The following EML4 variants were observed in gnomAD, a reference collection of about 807,000 sequenced individuals.
EML4 encodes EMAP like 4.
Under a neutral mutation model 129.0 loss-of-function variants are expected in EML4, and 72 were observed. That is an observed-to-expected ratio of 0.56 (90% CI 0.46 to 0.68). EML4 has a LOEUF of 0.68. Among genes scored for constraint, EML4 ranks in the 30% least tolerant of loss-of-function variants. EML4 has a pLI of 0.00. For missense variants in EML4, 1,363 were observed against 1,190.6 expected, an observed-to-expected ratio of 1.14 and a Z score of -2.13; for synonymous variants, 532 against 405.0, an observed-to-expected ratio of 1.31 and a Z score of -3.77.
intron 1 of EML4, among the ~76,000 whole-genome samples, chr2:42,203,281 G>GT (rs987548839): frequency 3.1e-4 from 47 of 152,254 alleles, no homozygotes; most frequent in Non-Finnish European, 5.6e-4. Flanking sequence ...GGTAAGTTTG[G>GT]TTTTTTCCCC....
At chr2:42,236,625 C>T (rs1674690313) in intron 1 of EML4, among the ~76,000 whole-genome samples, 2 of 152,156 alleles carry the variant, frequency 1.3e-5, no homozygotes, top group Admixed American at 1.3e-4. Flanking sequence ...AACTATTTTC[C>T]CCTTTACAGA....
intron 1 of EML4, among the ~76,000 whole-genome samples, chr2:42,199,749 AC>A (rs1370871535): frequency 6.6e-6 from 1 of 152,114 alleles, no homozygotes; most frequent in African/African-American, 2.4e-5. Context: ...AAAGAGGGTA[AC>A]CTTTTGGGAG....
At chr2:42,278,522 C>T (rs180953123) in intron 6 of EML4, among the ~76,000 whole-genome samples, 1 of 135,178 alleles carries the variant, frequency 7.4e-6, no homozygotes, top group Non-Finnish European at 1.5e-5. Context: ...TGCGGTGAGC[C>T]GAGCTCATGC....
intron 1 of EML4, among the ~76,000 whole-genome samples, chr2:42,216,012 C>T (rs1673163572): frequency 6.6e-6 from 1 of 151,800 alleles, no homozygotes; most frequent in African/African-American, 2.4e-5. Flanking sequence ...CCTCCACCTT[C>T]TGGTTGAAGC....
intron 4 of EML4, chr2:42,261,616 A>T: frequency 5.4e-6 from 1 of 185,824 alleles, no homozygotes; most frequent in Non-Finnish European, 1.1e-5. Context: ...TAAAATATGT[A>T]TGTAACTATG....
intron 1 of EML4, among the ~76,000 whole-genome samples, chr2:42,210,711 T>C (rs1489098653): frequency 6.6e-6 from 1 of 152,206 alleles, no homozygotes; most frequent in East Asian, 1.9e-4. Flanking sequence ...TCCAATACTA[T>C]TTTATTTATT....
At chr2:42,259,146 C>G (rs1665546366) in intron 3 of EML4, among the ~76,000 whole-genome samples, 1 of 151,330 alleles carries the variant, frequency 6.6e-6, no homozygotes, top group African/African-American at 2.4e-5. Context: ...GCTGGGGAAG[C>G]TGAGGTGGGA....
At position 42,330,186 on chromosome 2, in the gene EML4, A is replaced by G; in HGVS notation, c.2925A>G (p.Gln975=). ...AAGCCACCCTTCTGGAGGACCAGCA[A>G]GACCCTTCGCCCTCGTCCTAACACC... ...QAKATLLEDQ[Q]DPSPSS The change falls in exon 23 of 23, where the codon CAA becomes CAG. Residue 975 remains glutamine, a synonymous_variant. Coordinates refer to ENST00000318522, the MANE Select transcript of EML4 (RefSeq NM_019063.5). 6.2e-7 allele frequency: 1 copy of G among 1,612,722 alleles called. No homozygotes were observed. Among genetic ancestry groups the G allele is most frequent in the Non-Finnish European group, 8.5e-7 (1 of 1,179,812 alleles).
intron 6 of EML4, among the ~76,000 whole-genome samples, chr2:42,267,166 TA>T (rs1410800726): frequency 6.6e-6 from 1 of 152,254 alleles, no homozygotes; most frequent in African/African-American, 2.4e-5. Context: ...AGGGTTACTG[TA>T]AAAATTATAG....
Position 42,288,311 on chromosome 2 carries a change from G to T in EML4, c.1207G>T (p.Ala403Ser). ...GGACTGGCAGAAGAAAGCAAAAGGA[G>T]CAGAAATAAAGGTAAATTTTTAAAA... ...VWDWQKKAKG[A>S]EIKTTNEVVL... Residue 403 changes from alanine (A) to serine (S), a missense_variant, in exon 11 of 23, where the codon GCA (alanine) becomes TCA (serine). Coordinates refer to ENST00000318522, the MANE Select transcript of EML4 (RefSeq NM_019063.5). 1 of 1,547,810 alleles carries T rather than the reference G, an allele frequency of 6.5e-7. No individual in the cohort carries two copies.
chr2:42,312,008 C>T (rs1668980009), intron 17 of EML4, among the ~76,000 whole-genome samples: 2 of 152,152 alleles, frequency 1.3e-5, no homozygotes, highest in Non-Finnish European at 2.9e-5. Context: ...CCATGCCCGG[C>T]CTTCCTATGC....
chr2:42,275,152 A>C (rs1427486727), intron 6 of EML4, among the ~76,000 whole-genome samples: 1 of 152,244 alleles, frequency 6.6e-6, no homozygotes, highest in East Asian at 1.9e-4. Context: ...AGTCACAAGT[A>C]ATATTAAGTT....
intron 1 of EML4, among the ~76,000 whole-genome samples, chr2:42,184,030 A>T (rs544431450): frequency 6.6e-6 from 1 of 152,092 alleles, no homozygotes; most frequent in Non-Finnish European, 1.5e-5. Context: ...AATTTGGGCT[A>T]TTTGCTGTGC....
intron 1 of EML4, among the ~76,000 whole-genome samples, chr2:42,187,992 T>G (rs567987672): frequency 1.1e-4 from 17 of 152,326 alleles, no homozygotes; most frequent in African/African-American, 3.6e-4. Context: ...GATGATCTCT[T>G]TAGAGTTAAT....
Position 42,330,032 on chromosome 2 carries a change from AG to A in EML4, c.2772del (p.Asn925ThrfsTer37), listed in dbSNP as rs1173675978. 5 of 1,613,556 alleles carry A rather than the reference AG, an allele frequency of 3.1e-6. No homozygotes were observed. Among genetic ancestry groups the A allele is most frequent in the Non-Finnish European group, 4.2e-6 (5 of 1,179,970 alleles). ...SRISSSPTLL[E>X]NSLEQTVEPS... ...ATAAGCAGTTCTCCCACACTTCTGG[AG>A]AACAGCCTGGAACAAACTGTGGAGC... On this transcript the variant is annotated frameshift_variant, in exon 23 of 23. Transcript: ENST00000318522. LOFTEE classifies it high-confidence loss of function.
At chr2:42,256,760 CTG>C in intron 3 of EML4, 130 bp downstream of exon 3, 4 of 1,164,902 alleles carry the variant, frequency 3.4e-6, no homozygotes, top group East Asian at 2.5e-5. Context: ...AATTCTTAAA[CTG>C]TGAAAGTAGA....
In EML4 at chr2:42,256,515, C is replaced by G. The variant is rs759092374; in HGVS notation, c.223C>G (p.Arg75Gly). 15 of 1,604,896 alleles carry G rather than the reference C, an allele frequency of 9.3e-6. No homozygotes were observed. The Admixed American group carries it at 1.0e-4, about 11-fold the overall frequency. The change falls in exon 3 of 23, where the codon CGA becomes GGA. Residue 75 changes from arginine to glycine, a missense_variant. Transcript: ENST00000318522. ...SVSSKGQPSP[R>G]AVIPMSCITN... ...ATTATCTTTAGGCCAACCAAGCCCTCGAGCAGTTATTCCCATGTCCTGTAT... is the reference window on the plus strand; with the variant it reads ...ATTATCTTTAGGCCAACCAAGCCCTGGAGCAGTTATTCCCATGTCCTGTAT...
chr2:42,304,423 T>C (rs1668475543), intron 16 of EML4, 61 bp from the exon 17 acceptor site: 6 of 1,288,282 alleles, frequency 4.7e-6, no homozygotes, highest in East Asian at 2.3e-5. Context: ...AAGTTTTTGC[T>C]ACTGTCCCCA....
At chr2:42,202,969 A>T (rs549801841) in intron 1 of EML4, among the ~76,000 whole-genome samples, 1 of 152,288 alleles carries the variant, frequency 6.6e-6, no homozygotes, top group South Asian at 2.1e-4. Context: ...TTGAGGCTGC[A>T]TTGAGCCATG....
Sources: allele counts gnomAD v4.1 joint callset (sites outside exome capture counted in the v4.1 genomes callset), GRCh38; gene constraint gnomAD v4.1.1; transcripts MANE v1.5; gene names NCBI Gene and HGNC (gene_info 2026-07-23, HGNC 2026-07-21).